The following ATRX variants were observed in gnomAD, a reference collection of about 807,000 sequenced individuals.
ATRX encodes ATRX chromatin remodeler, also known as chromatin remodeler ATRX.
A neutral mutation model predicts 172.6 loss-of-function variants in ATRX; 12 were observed. The observed-to-expected ratio is 0.07, with a 90% CI of 0.04 to 0.11. The LOEUF is 0.11. Among genes scored for constraint, ATRX ranks in the 10% least tolerant of loss-of-function variants. ATRX has a pLI of 1.00. For missense variants in ATRX, 1,368 were observed against 1,767.4 expected (o/e 0.77, Z 4.05); for synonymous variants, 674 against 594.7 (o/e 1.13, Z -1.94).
In ATRX at chrX:77,761,359, A is replaced by G. The variant is rs1183571693; in HGVS notation, c.20+24623T>C. On this transcript the variant is annotated intron_variant, in intron 1 of 34. Transcript: ENST00000373344. ...TCAATACCAGCCTGGGCAACACGGC[A>G]AAACCCATCTCTACAAAAACTATAA... Among the ~76,000 whole-genome samples, 6 of 110,392 alleles carry G rather than the reference A, an allele frequency of 5.4e-5. No individual in the cohort carries two copies. In the East Asian group the frequency reaches 1.4e-3, roughly 26 times the overall value.
chrX:77,695,009 G>T (rs951419895), intron 5 of ATRX, among the ~76,000 whole-genome samples: 1 of 104,737 alleles, frequency 9.5e-6, no homozygotes, highest in Non-Finnish European at 2.0e-5. Context: ...TAGACACTCA[G>T]AGAAGCCCCA....
intron 9 of ATRX, among the ~76,000 whole-genome samples, chrX:77,679,967 A>G (rs1603209852): frequency 8.9e-6 from 1 of 112,013 alleles, no homozygotes; most frequent in Non-Finnish European, 1.9e-5. Context: ...AATCCCTTAT[A>G]TATAATTTTG....
intron 22 of ATRX, among the ~76,000 whole-genome samples, chrX:77,607,728 A>G (rs1453035591): frequency 2.8e-5 from 3 of 107,862 alleles, no homozygotes; most frequent in East Asian, 2.8e-4. Flanking sequence ...AAAAAAAAAA[A>G]AAGAAGTAAA....
At chrX:77,585,580 C>G (rs1160852004) in intron 27 of ATRX, among the ~76,000 whole-genome samples, 3 of 17,666 alleles carry the variant, frequency 1.7e-4, no homozygotes, top group African/African-American at 3.9e-4. Context: ...TGTCTCCCCC[C>G]ACCAAAAAAA....
At chrX:77,621,458 C>G (rs370592222) in intron 19 of ATRX, among the ~76,000 whole-genome samples, 2 of 110,603 alleles carry the variant, frequency 1.8e-5, no homozygotes, top group Non-Finnish European at 3.8e-5. Context: ...TACAGGTGCC[C>G]GCCACCATGC....
intron 9 of ATRX, among the ~76,000 whole-genome samples, chrX:77,676,896 C>T (rs45501193): frequency 0.035 from 3,949 of 111,690 alleles, 77 homozygotes; most frequent in Middle Eastern, 0.06. Flanking sequence ...CCAAGGCAAG[C>T]GGATCACCTG....
At chrX:77,602,407 T>C (rs1418488996) in intron 22 of ATRX, among the ~76,000 whole-genome samples, 2 of 110,269 alleles carry the variant, frequency 1.8e-5, no homozygotes, top group Non-Finnish European at 3.8e-5. Flanking sequence ...TTGGTTTCAA[T>C]GATTTTCCCT....
At chrX:77,675,887 A>G (rs2070840876) in intron 10 of ATRX, 2 of 171,459 alleles carry the variant, frequency 1.2e-5, no homozygotes, top group South Asian at 1.2e-4. Flanking sequence ...GTTGTTACCA[A>G]TTTACTGAGA....
At chrX:77,570,736 C>T (rs1490934673) in intron 28 of ATRX, among the ~76,000 whole-genome samples, 3 of 111,383 alleles carry the variant, frequency 2.7e-5, no homozygotes, top group Non-Finnish European at 5.7e-5. Context: ...AATCTTTGTT[C>T]TCTGAAAGAC....
rs2066592063 is a variant in ATRX at position 77,599,549 on chromosome X, C to A, written c.5818G>T (p.Asp1940Tyr). Residue 1940 changes from aspartate (D) to tyrosine (Y), a missense_variant, in exon 25 of 35, where the codon GAT becomes TAT. Coordinates refer to ENST00000373344, the MANE Select transcript of ATRX (RefSeq NM_000489.6). ...KKKKGKKGKKDSSSSGSGSDN... is the reference protein window; with the variant it reads ...KKKKGKKGKKYSSSSGSGSDN... Reference sequence around the variant, plus strand: ...CTGCCACTTCCACTTGAGCTACTATCTTTTTTCCCCTTTTTCCCTTTTTTC... The same window carrying A: ...CTGCCACTTCCACTTGAGCTACTATATTTTTTCCCCTTTTTCCCTTTTTTC... 8.3e-7 allele frequency: 1 copy of A among 1,207,477 alleles called. No homozygotes were observed.
chrX:77,654,074 G>T (rs371727620), intron 14 of ATRX, 24 bp downstream of exon 14: 5 of 1,132,801 alleles, frequency 4.4e-6, no homozygotes, highest in Non-Finnish European at 2.4e-6. Context: ...TATAATTCAA[G>T]CATGTGGTAA....
chrX:77,724,582 G>A (rs782085658), intron 1 of ATRX, among the ~76,000 whole-genome samples: 54 of 110,786 alleles, frequency 4.9e-4, no homozygotes, highest in African/African-American at 1.6e-3. Context: ...GAAATAGCCA[G>A]TTTTCACTTA....
intron 30 of ATRX, among the ~76,000 whole-genome samples, chrX:77,527,624 G>A (rs782528976): frequency 3.6e-5 from 4 of 111,467 alleles, no homozygotes; most frequent in East Asian, 2.8e-4. Flanking sequence ...CGGGATCCCC[G>A]CCAAGGCATA....
chrX:77,742,317 GGT>G (rs2074907040), intron 1 of ATRX, among the ~76,000 whole-genome samples: 1 of 111,541 alleles, frequency 9.0e-6, no homozygotes, highest in African/African-American at 3.3e-5. Flanking sequence ...TAACCTTTAT[GGT>G]GCTCCCTCAG....
intron 11 of ATRX, among the ~76,000 whole-genome samples, chrX:77,664,254 C>T (rs1348630090): frequency 6.4e-5 from 7 of 108,903 alleles, no homozygotes; most frequent in South Asian, 3.9e-4. Flanking sequence ...GATTTTTTTT[C>T]TTCTTCTTCT....
At chrX:77,688,030 C>A (rs782801325) in intron 7 of ATRX, among the ~76,000 whole-genome samples, 1 of 111,212 alleles carries the variant, frequency 9.0e-6, no homozygotes, top group African/African-American at 3.3e-5. Context: ...CTCCACCTCC[C>A]GGGTTCAAGC....
chrX:77,506,176 T>C lies in ATRX; in HGVS notation c.*2175A>G, dbSNP rs1462395786. The stretch of plus-strand genomic sequence containing the variant: ...TAATCCATTGCAACTATTTAAAACA[T>C]CTAAAACAAATATAAAAATGAGCCT... On this transcript the variant is annotated 3_prime_UTR_variant, in exon 35 of 35. Coordinates refer to ENST00000373344, the MANE Select transcript of ATRX (RefSeq NM_000489.6). 1 of 171,010 alleles carries C rather than the reference T, an allele frequency of 5.8e-6. No individual in the cohort carries two copies. Among genetic ancestry groups the C allele is most frequent in the East Asian group, 8.4e-5 (1 of 11,909 alleles). The allele number at this position is 171,010 out of a possible 1,213,427, so 14.1% of individuals were successfully genotyped here.
intron 34 of ATRX, among the ~76,000 whole-genome samples, chrX:77,516,665 CAT>C (rs1373500555): frequency 9.0e-6 from 1 of 111,721 alleles, no homozygotes; most frequent in African/African-American, 3.3e-5. Context: ...CAACTTTACA[CAT>C]TGGACAGATC....
intron 1 of ATRX, among the ~76,000 whole-genome samples, chrX:77,777,960 A>G (rs1347420040): frequency 9.2e-6 from 1 of 108,448 alleles, no homozygotes; most frequent in Non-Finnish European, 1.9e-5. Flanking sequence ...ATATGGTGAC[A>G]CCCCGTCTCT....
Sources: allele counts gnomAD v4.1 joint callset (sites outside exome capture counted in the v4.1 genomes callset), GRCh38; gene constraint gnomAD v4.1.1; transcripts MANE v1.5; gene names NCBI Gene and HGNC (gene_info 2026-07-23, HGNC 2026-07-21).